The following NID1 variants were observed in gnomAD, a reference collection of about 807,000 sequenced individuals.
The protein encoded by NID1 is nidogen 1, also known as nidogen-1.
In NID1, 76 loss-of-function variants were observed where a neutral mutation model predicts 130.6. The ratio of observed to expected loss-of-function variants is 0.58; its 90% CI spans 0.48 to 0.70. The LOEUF (loss-of-function observed/expected upper bound fraction) is 0.70, where lower values mean the gene tolerates loss of function less well. Ranked by LOEUF, NID1 falls within the 30% of genes least tolerant of loss-of-function variation. The pLI, the probability that NID1 is intolerant of heterozygous loss-of-function variation, is 0.00. For missense variants in NID1, 1,517 were observed against 1,664.8 expected, an observed-to-expected ratio of 0.91 and a Z score of 1.54; for synonymous variants, 665 against 675.1, an observed-to-expected ratio of 0.98 and a Z score of 0.23.
At chr1:236,011,193 A>G (rs1658399582) in intron 12 of NID1, among the ~76,000 whole-genome samples, 2 of 152,242 alleles carry the variant, frequency 1.3e-5, no homozygotes, top group Admixed American at 1.3e-4. Flanking sequence ...TCTCTAATTG[A>G]AAACATTTAT....
intron 5 of NID1, among the ~76,000 whole-genome samples, chr1:236,034,124 T>C (rs1659176871): frequency 6.6e-6 from 1 of 152,108 alleles, no homozygotes; most frequent in Admixed American, 6.5e-5. Flanking sequence ...ATTATTTAAC[T>C]AGAAAAAGGC....
At chr1:236,003,518 A>G (rs958997643) in intron 12 of NID1, among the ~76,000 whole-genome samples, 13 of 152,156 alleles carry the variant, frequency 8.5e-5, no homozygotes, top group African/African-American at 2.9e-4. Context: ...CTGGATACCA[A>G]ATGAAGAAAG....
chr1:235,983,516 T>C (rs1026445101), intron 15 of NID1, among the ~76,000 whole-genome samples: 2 of 152,282 alleles, frequency 1.3e-5, no homozygotes, highest in Admixed American at 1.3e-4. Flanking sequence ...GCACATCCTG[T>C]GTGAGAGACA....
At chr1:236,021,800 C>T (rs765550181) in intron 9 of NID1, among the ~76,000 whole-genome samples, 9 of 152,170 alleles carry the variant, frequency 5.9e-5, no homozygotes, top group African/African-American at 1.7e-4. Flanking sequence ...CATTCTTGCC[C>T]TTAGTAGTGG....
chr1:236,007,084 C>G (rs930161218), intron 12 of NID1, among the ~76,000 whole-genome samples: 1 of 152,134 alleles, frequency 6.6e-6, no homozygotes, highest in Non-Finnish European at 1.5e-5. Flanking sequence ...AGTGCAGGGG[C>G]ACGATCATAG....
chr1:236,043,253 C>G (rs1659505357), intron 3 of NID1, among the ~76,000 whole-genome samples: 1 of 152,168 alleles, frequency 6.6e-6, no homozygotes. Context: ...CATGGAAACC[C>G]TCCATTTATA....
At chr1:235,995,100 A>C (rs1657885355) in intron 12 of NID1, among the ~76,000 whole-genome samples, 1 of 152,254 alleles carries the variant, frequency 6.6e-6, no homozygotes. Context: ...CTCCATATCC[A>C]CGGGTTCCAC....
rs191336783 is a variant in NID1, at chr1:236,008,165, T to C, written c.2527+3756A>G. ...ATATTTTCTAGATTATTGTTTGCTATTTCAACATGCCATTTAAAAGAAAGT... is the reference window on the plus strand; with the variant it reads ...ATATTTTCTAGATTATTGTTTGCTACTTCAACATGCCATTTAAAAGAAAGT... On this transcript the variant is annotated intron_variant, in intron 12 of 19. Coordinates refer to ENST00000264187, the MANE Select transcript of NID1 (RefSeq NM_002508.3). Among the ~76,000 whole-genome samples the C allele has an allele frequency of 5.3e-5, 8 of 152,356 alleles. No individual in the cohort carries two copies. The East Asian group carries it at 9.6e-4, about 18-fold the overall frequency.
At chr1:236,009,479 T>A (rs1265680811) in intron 12 of NID1, among the ~76,000 whole-genome samples, 2 of 152,162 alleles carry the variant, frequency 1.3e-5, no homozygotes, top group Non-Finnish European at 2.9e-5. Flanking sequence ...CAATTCCCTC[T>A]CTCCCATTAT....
chr1:235,985,546 G>C, intron 14 of NID1, 41 bp from the exon 15 acceptor site: 1 of 1,608,582 alleles, frequency 6.2e-7, no homozygotes, highest in Middle Eastern at 1.7e-4. Context: ...CCATCTACAA[G>C]CATCTGATAG....
intron 5 of NID1, among the ~76,000 whole-genome samples, chr1:236,033,691 C>T (rs1659164293): frequency 1.3e-5 from 2 of 152,134 alleles, no homozygotes; most frequent in Admixed American, 6.6e-5. Context: ...ATCTGGGATA[C>T]CATTTTTGCT....
At chr1:236,034,448 A>AAAG (rs1659193557) in intron 5 of NID1, among the ~76,000 whole-genome samples, 1 of 151,734 alleles carries the variant, frequency 6.6e-6, no homozygotes, top group Non-Finnish European at 1.5e-5. Context: ...AGAAAGAAAG[A>AAAG]AAAAGAAAAA....
intron 4 of NID1, among the ~76,000 whole-genome samples, chr1:236,040,134 G>C (rs1363033990): frequency 1.3e-5 from 2 of 152,154 alleles, no homozygotes; most frequent in Admixed American, 1.3e-4. Flanking sequence ...GAGACACCTA[G>C]AAAGGGTGGA....
At chr1:236,004,197 G>C (rs563242057) in intron 12 of NID1, among the ~76,000 whole-genome samples, 4 of 152,258 alleles carry the variant, frequency 2.6e-5, no homozygotes. Flanking sequence ...GAAGAATGCA[G>C]GAGCTTACTT....
chr1:236,060,513 GATGGAATTGCTCAGTTCAC>G (rs1183886408), intron 1 of NID1, among the ~76,000 whole-genome samples: 4 of 152,154 alleles, frequency 2.6e-5, no homozygotes, highest in African/African-American at 9.7e-5. Context: ...GCCTGTTCAA[GATGGAATTGCTCAGTTCAC>G]ATGCCTCTGA....
rs144599787 is a variant in NID1, at chr1:236,059,835, C to T, written c.225+5020G>A. On this transcript the variant is annotated intron_variant, in intron 1 of 19. Coordinates refer to ENST00000264187, the MANE Select transcript of NID1 (RefSeq NM_002508.3). The stretch of plus-strand genomic sequence containing the variant: ...AAAGAACAGCAGCCGGGCGTGGTGG[C>T]TCACGCCTGTAATCCCAGCACTTTG... Among the ~76,000 whole-genome samples the T allele has an allele frequency of 3.9e-5, 6 of 152,338 alleles. 1 individual carries two copies. The highest frequency in any genetic ancestry group is 1.4e-4 in the African/African-American group (6 of 41,580).
chr1:236,017,020 T>A lies in NID1; in HGVS notation c.2254+128A>T. 3.3e-6 allele frequency: 4 copies of A among 1,207,956 alleles called. No homozygotes were observed. The South Asian group carries it at 5.3e-5, about 16-fold the overall frequency. The allele number at this position is 1,207,956 out of a possible 1,614,324, so 74.8% of individuals were successfully genotyped here. ...GGGCAGAGGCTAAGTCTGATTCATC[T>A]TTATAAATTGCTCTTCCCAGCACCT... On this transcript the variant is annotated intron_variant, in intron 10 of 19. Transcript: ENST00000264187.
chr1:236,040,928 G>A (rs539433026), intron 4 of NID1, among the ~76,000 whole-genome samples: 1 of 152,238 alleles, frequency 6.6e-6, no homozygotes, highest in Non-Finnish European at 1.5e-5. Flanking sequence ...GCCTCCCAAA[G>A]TGCTGGGATA....
chr1:236,064,603 G>T (rs1660136366), intron 1 of NID1: 1 of 489,270 alleles, frequency 2.0e-6, no homozygotes, highest in Non-Finnish European at 3.7e-6. Flanking sequence ...CGGGGTCCAT[G>T]GGTGCCGGGG....
Sources: allele counts gnomAD v4.1 joint callset (sites outside exome capture counted in the v4.1 genomes callset), GRCh38; gene constraint gnomAD v4.1.1; transcripts MANE v1.5; gene names NCBI Gene and HGNC (gene_info 2026-07-23, HGNC 2026-07-21).